The following PDK1 variants were observed in gnomAD, a reference collection of about 807,000 sequenced individuals.
PDK1 encodes the protein [Pyruvate dehydrogenase (acetyl-transferring)] kinase isozyme 1, mitochondrial.
Under a neutral mutation model 54.2 loss-of-function variants are expected in PDK1, and 39 were observed. The ratio of observed to expected loss-of-function variants is 0.72; its 90% confidence interval spans 0.56 to 0.94. PDK1 has a LOEUF of 0.94. Among genes scored for constraint, PDK1 ranks in the 40% least tolerant of loss-of-function variants. PDK1 has a pLI of 0.00. For missense variants in PDK1, 552 were observed against 566.0 expected (o/e 0.98, Z 0.25); for synonymous variants, 221 against 207.1 (o/e 1.07, Z -0.58).
At chr2:172,635,632 T>G in the PDK1 span, among the ~76,000 whole-genome samples, 1 of 152,178 alleles carries the variant, frequency 6.6e-6, no homozygotes, top group African/African-American at 2.4e-5. Flanking sequence ...ATTTTTCTGT[T>G]TTTTGTATTC....
chr2:172,676,831 G>A, the PDK1 span, among the ~76,000 whole-genome samples: 1 of 152,152 alleles, frequency 6.6e-6, no homozygotes, highest in Non-Finnish European at 1.5e-5. Flanking sequence ...GTGAAAGGAA[G>A]ATTGAATCCA....
downstream of PDK1, among the ~76,000 whole-genome samples, chr2:172,612,427 C>T (rs528714952): frequency 6.6e-6 from 1 of 152,158 alleles, no homozygotes; most frequent in South Asian, 2.1e-4. Context: ...GTATCACTGT[C>T]ATAAACTAAC....
At chr2:172,649,769 G>T in the PDK1 span, among the ~76,000 whole-genome samples, 2 of 152,126 alleles carry the variant, frequency 1.3e-5, no homozygotes, top group Non-Finnish European at 2.9e-5. Context: ...GAAATGAAGC[G>T]AGAACAGAAG....
the PDK1 span, among the ~76,000 whole-genome samples, chr2:172,667,895 G>A: frequency 6.6e-6 from 1 of 152,158 alleles, no homozygotes; most frequent in African/African-American, 2.4e-5. Context: ...TGGCAAAACC[G>A]GGAATTGATC....
At chr2:172,561,968 T>C (rs1429343875) in intron 2 of PDK1, among the ~76,000 whole-genome samples, 2 of 152,208 alleles carry the variant, frequency 1.3e-5, no homozygotes, top group Non-Finnish European at 2.9e-5. Context: ...TTTTAGAATG[T>C]AGAACTCGGA....
the PDK1 span, chr2:172,679,043 G>A: frequency 6.6e-6 from 1 of 152,154 alleles, no homozygotes; most frequent in East Asian, 1.9e-4. Context: ...AATAATAATT[G>A]AACATTCAGA....
the PDK1 span, among the ~76,000 whole-genome samples, chr2:172,685,673 C>T: frequency 1.3e-5 from 2 of 152,176 alleles, no homozygotes; most frequent in East Asian, 1.9e-4. Flanking sequence ...CAAATCAGCA[C>T]TTAGCACAGA....
At chr2:172,564,256 CCTTA>C (rs1335329635) in intron 3 of PDK1, 10 of 532,548 alleles carry the variant, frequency 1.9e-5, no homozygotes, top group Non-Finnish European at 2.7e-5. Context: ...TTTGTGGCAG[CCTTA>C]CTCTTAGGAA....
the PDK1 span, among the ~76,000 whole-genome samples, chr2:172,707,720 G>C: frequency 1.3e-5 from 2 of 152,194 alleles, no homozygotes; most frequent in Non-Finnish European, 2.9e-5. Context: ...ATAGGGAAAA[G>C]TATGTCTACT....
the PDK1 span, among the ~76,000 whole-genome samples, chr2:172,664,332 A>AAAAAAAAAAAAAAAAAAAC: frequency 6.6e-6 from 1 of 150,956 alleles, no homozygotes. Flanking sequence ...AAAAAAAAAA[A>AAAAAAAAAAAAAAAAAAAC]AAGCATTGCC....
the PDK1 span, among the ~76,000 whole-genome samples, chr2:172,665,512 A>G: frequency 6.6e-6 from 1 of 152,182 alleles, no homozygotes. Context: ...TGGCTTGCAT[A>G]TAAATTCACT....
upstream of PDK1, chr2:172,555,918 C>A: frequency 2.7e-6 from 1 of 370,040 alleles, no homozygotes; most frequent in South Asian, 9.8e-5. Flanking sequence ...CTGGGCGGGA[C>A]TCCGGCGAGG....
chr2:172,680,142 TCTTC>T, the PDK1 span, among the ~76,000 whole-genome samples: 1 of 152,186 alleles, frequency 6.6e-6, no homozygotes, highest in African/African-American at 2.4e-5. Flanking sequence ...GCCAGGTGCT[TCTTC>T]CTTGCATGCT....
At chr2:172,647,416 G>T in the PDK1 span, among the ~76,000 whole-genome samples, 1 of 152,230 alleles carries the variant, frequency 6.6e-6, no homozygotes, top group South Asian at 2.1e-4. Flanking sequence ...GCTGTAAAAT[G>T]CAAGTAAGAA....
At chr2:172,593,311 A>T (rs1467814053) in intron 10 of PDK1, among the ~76,000 whole-genome samples, 1 of 152,218 alleles carries the variant, frequency 6.6e-6, no homozygotes, top group African/African-American at 2.4e-5. Context: ...TATATATCAT[A>T]CAAGTTTAAT....
chr2:172,652,203 A>G, the PDK1 span, among the ~76,000 whole-genome samples: 1 of 152,188 alleles, frequency 6.6e-6, no homozygotes, highest in Admixed American at 6.5e-5. Flanking sequence ...TATAAACAGA[A>G]CCAAAGACAA....
At chr2:172,704,035 A>G in the PDK1 span, among the ~76,000 whole-genome samples, 2 of 151,946 alleles carry the variant, frequency 1.3e-5, no homozygotes, top group African/African-American at 4.8e-5. Context: ...CAGCCTCCCA[A>G]AGTGCTGGGA....
chr2:172,564,524 G>A lies in PDK1; in HGVS notation c.432G>A (p.Arg144=), dbSNP rs1412205039. 6.2e-7 allele frequency: 1 copy of A among 1,614,050 alleles called. No individual in the cohort carries two copies. Among genetic ancestry groups the A allele is most frequent in the Non-Finnish European group, 8.5e-7 (1 of 1,179,942 alleles). ...TTAGCTTTACAGATACTGTGATACG[G>A]ATCAGAAACCGACACAATGATGTCA... ...AIYDFTDTVI[R]IRNRHNDVIP... Residue 144 remains arginine, a synonymous_variant, in exon 4 of 11, where the codon CGG becomes CGA. Transcript: ENST00000282077.
At chr2:172,720,838 G>A in the PDK1 span, among the ~76,000 whole-genome samples, 1 of 152,154 alleles carries the variant, frequency 6.6e-6, no homozygotes, top group Non-Finnish European at 1.5e-5. Flanking sequence ...CCTTGAGAAA[G>A]CATCTAAGGA....
Sources: gnomAD v4.1 joint callset for allele counts (sites outside exome capture counted in the v4.1 genomes callset) on GRCh38, gnomAD v4.1.1 for gene constraint, MANE v1.5 for transcripts, NCBI Gene and HGNC (gene_info 2026-07-23, HGNC 2026-07-21) for gene names.